Variants in COG4 observed in about 807,000 individuals in gnomAD.
COG4 encodes the protein component of oligomeric golgi complex 4.
A neutral mutation model predicts 95.1 loss-of-function variants in COG4; 65 were observed. That is an observed-to-expected ratio of 0.68 (90% CI 0.56 to 0.84). COG4 has a LOEUF of 0.84. Among genes scored for constraint, COG4 ranks in the 40% least tolerant of loss-of-function variants. COG4 has a pLI of 0.00. For missense variants in COG4, 1,045 were observed against 989.1 expected, an observed-to-expected ratio of 1.06 and a Z score of -0.76; for synonymous variants, 421 against 374.8, an observed-to-expected ratio of 1.12 and a Z score of -1.42.
intron 8 of COG4, among the ~76,000 whole-genome samples, chr16:70,508,057 A>C (rs1232470446): frequency 2.0e-5 from 3 of 151,548 alleles, no homozygotes; most frequent in Admixed American, 6.6e-5. Flanking sequence ...AGTAGCTGGG[A>C]CTACAGGCAC....
chr16:70,504,255 G>A (rs1333696547), intron 8 of COG4, among the ~76,000 whole-genome samples: 1 of 152,056 alleles, frequency 6.6e-6, no homozygotes, highest in Non-Finnish European at 1.5e-5. Flanking sequence ...GTGGATAGAG[G>A]CCAGGGATGC....
chr16:70,510,310 A>T (rs1264289780), intron 5 of COG4, among the ~76,000 whole-genome samples: 2 of 152,164 alleles, frequency 1.3e-5, no homozygotes, highest in Non-Finnish European at 2.9e-5. Context: ...ATCTTCTCAA[A>T]GGGTAACTTT....
intron 2 of COG4, among the ~76,000 whole-genome samples, chr16:70,518,054 C>T (rs927580012): frequency 1.3e-5 from 2 of 152,102 alleles, no homozygotes; most frequent in African/African-American, 4.8e-5. Flanking sequence ...CCTCAGCCTC[C>T]TGAGTAGCTG....
At chr16:70,510,815 G>A (rs2049687215) in intron 5 of COG4, among the ~76,000 whole-genome samples, 1 of 150,862 alleles carries the variant, frequency 6.6e-6, no homozygotes, top group South Asian at 2.1e-4. Flanking sequence ...CCAGGCTGGA[G>A]TGCAGTGGCA....
At chr16:70,506,618 CAAAAA>C (rs1212409898) in intron 8 of COG4, among the ~76,000 whole-genome samples, 207 of 59,854 alleles carry the variant, frequency 3.5e-3, no homozygotes, top group Non-Finnish European at 4.2e-3. Context: ...AAAAAAAAAA[CAAAAA>C]AAAAAACATT....
At chr16:70,506,623 A>AAAAAC (rs2049580671) in intron 8 of COG4, among the ~76,000 whole-genome samples, 1 of 133,248 alleles carries the variant, frequency 7.5e-6, no homozygotes, top group Non-Finnish European at 1.6e-5. Flanking sequence ...AAAAACAAAA[A>AAAAAC]AAAAAACATT....
Position 70,501,013 on chromosome 16 carries a change from C to T in COG4, c.1140G>A (p.Arg380=). The part of the protein sequence containing the change: ...SELYLRFLKK[R]ISSDFEVGDS... ...CTCCCACCTCAAAATCAGAGCTAAT[C>T]CTCTTCTTGAGGAAGCGTAAGTATA... The change falls in exon 9 of 19, where the codon AGG becomes AGA. Residue 380 remains arginine, a synonymous_variant. Transcript: ENST00000323786. 6.2e-7 allele frequency: 1 copy of T among 1,614,062 alleles called. No homozygotes were observed. The highest frequency in any genetic ancestry group is 1.1e-5 in the South Asian group (1 of 91,086).
intron 13 of COG4, among the ~76,000 whole-genome samples, chr16:70,484,776 G>A (rs754079400): frequency 9.2e-5 from 14 of 152,250 alleles, no homozygotes; most frequent in Admixed American, 1.3e-4. Context: ...GTGCGCCCCT[G>A]CATCCCTAGC....
intron 12 of COG4, among the ~76,000 whole-genome samples, chr16:70,494,321 C>T (rs722579): frequency 0.4 from 60,686 of 151,948 alleles, 12,624 homozygotes; most frequent in South Asian, 0.66. Flanking sequence ...CCCTAGTAAG[C>T]GTGGATTCAC....
intron 13 of COG4, among the ~76,000 whole-genome samples, chr16:70,485,415 G>C (rs2049107852): frequency 6.6e-6 from 1 of 151,520 alleles, no homozygotes; most frequent in East Asian, 1.9e-4. Context: ...TGTTGGCCAG[G>C]CTGGTCTCGA....
chr16:70,510,061 T>C, intron 5 of COG4, 40 bp from the exon 6 acceptor site: 1 of 1,521,816 alleles, frequency 6.6e-7, no homozygotes, highest in East Asian at 2.2e-5. Context: ...CTCAGAAAGG[T>C]CACCCTCATA....
At chr16:70,500,861 C>T in intron 9 of COG4, 97 bp downstream of exon 9, 1 of 1,472,956 alleles carries the variant, frequency 6.8e-7, no homozygotes, top group Non-Finnish European at 9.5e-7. Flanking sequence ...CTAATAAGTT[C>T]CAATTGTTTC....
intron 9 of COG4, 79 bp downstream of exon 9, chr16:70,500,879 A>C: frequency 1.9e-6 from 3 of 1,549,144 alleles, no homozygotes; most frequent in Non-Finnish European, 2.7e-6. Flanking sequence ...TTCCTTAATA[A>C]GAGATTTGTG....
intron 9 of COG4, among the ~76,000 whole-genome samples, chr16:70,499,091 G>C (rs919747495): frequency 6.6e-6 from 1 of 151,924 alleles, no homozygotes; most frequent in Non-Finnish European, 1.5e-5. Flanking sequence ...AAAATATTCC[G>C]TATCTGTTAT....
At position 70,519,417 on chromosome 16, in the gene COG4, G is replaced by C; in HGVS notation, c.254+232C>G. Among the ~76,000 whole-genome samples, 2 of 151,292 alleles carry C rather than the reference G, an allele frequency of 1.3e-5. 1 individual carries two copies. The highest frequency in any genetic ancestry group is 2.9e-5 in the Non-Finnish European group (2 of 67,970). On this transcript the variant is annotated intron_variant, in intron 2 of 18. Transcript: ENST00000323786. ...GCTGGGATTACAGGCGTGAGCCACC[G>C]CGCCCGGCCAGGATTTGCATTTCTA...
chr16:70,514,727 T>G (rs1431064983), intron 3 of COG4, among the ~76,000 whole-genome samples: 1 of 152,158 alleles, frequency 6.6e-6, no homozygotes. Context: ...TTCTCTCTTT[T>G]TTTTTAGACA....
intron 12 of COG4, 85 bp from the exon 13 acceptor site, chr16:70,490,477 T>A: frequency 9.0e-7 from 1 of 1,109,952 alleles, no homozygotes; most frequent in Non-Finnish European, 1.4e-6. Flanking sequence ...ACAGCTGTGC[T>A]CCATGAAGCT....
intron 7 of COG4, 138 bp downstream of exon 7, chr16:70,509,093 C>T (rs1174382693): frequency 6.6e-6 from 7 of 1,061,238 alleles, no homozygotes. Flanking sequence ...GGGCAAGATG[C>T]AGGCCAGTGT....
chr16:70,498,085 T>A (rs1043211557), intron 9 of COG4, 30 bp from the exon 10 acceptor site: 2 of 1,423,212 alleles, frequency 1.4e-6, no homozygotes, highest in East Asian at 2.3e-5. Context: ...GGAATACTCA[T>A]TTTTTTTCCC....
Sources: allele counts gnomAD v4.1 joint callset (sites outside exome capture counted in the v4.1 genomes callset), GRCh38; gene constraint gnomAD v4.1.1; transcripts MANE v1.5; gene names NCBI Gene and HGNC (gene_info 2026-07-23, HGNC 2026-07-21).